The following ARSB variants were observed in gnomAD, a reference collection of about 807,000 sequenced individuals.
ARSB encodes arylsulfatase B.
ARSB carries 41 observed loss-of-function variants against 50.9 expected under a neutral mutation model. The ratio of observed to expected loss-of-function variants is 0.81; its 90% CI spans 0.63 to 1.04. ARSB has a LOEUF of 1.04. ARSB is among the 50% of genes least tolerant of loss of function. The pLI, the probability that ARSB is intolerant of heterozygous loss-of-function variation, is 0.00. For synonymous variants in ARSB, 269 were observed against 284.8 expected, an observed-to-expected ratio of 0.94 and a Z score of 0.56; for missense variants, 672 against 693.3, an observed-to-expected ratio of 0.97 and a Z score of 0.35.
chr5:78,795,230 C>G (rs1191567247), intron 6 of ARSB, among the ~76,000 whole-genome samples: 1 of 152,100 alleles, frequency 6.6e-6, no homozygotes, highest in East Asian at 1.9e-4. Flanking sequence ...ATGCAGCTGC[C>G]CAGCAGAGGT....
chr5:78,876,811 C>T (rs1041640850), intron 5 of ARSB, among the ~76,000 whole-genome samples: 1 of 152,154 alleles, frequency 6.6e-6, no homozygotes, highest in Non-Finnish European at 1.5e-5. Context: ...AGGAGGTGAG[C>T]GGTGGGCTAG....
At chr5:78,895,856 G>A (rs758891147) in intron 4 of ARSB, among the ~76,000 whole-genome samples, 20 of 152,224 alleles carry the variant, frequency 1.3e-4, no homozygotes, top group African/African-American at 3.9e-4. Context: ...CAGGGGAAGA[G>A]AGAGGACTGG....
intron 3 of ARSB, among the ~76,000 whole-genome samples, chr5:78,959,476 T>A (rs1345101441): frequency 6.6e-6 from 1 of 152,198 alleles, no homozygotes; most frequent in Non-Finnish European, 1.5e-5. Context: ...CGGACTTCCA[T>A]TCTTTGGAAT....
At chr5:78,953,185 T>C (rs571462927) in intron 4 of ARSB, among the ~76,000 whole-genome samples, 1 of 152,380 alleles carries the variant, frequency 6.6e-6, no homozygotes. Context: ...TGAACAAGGC[T>C]GCTCAGGGTA....
intron 5 of ARSB, among the ~76,000 whole-genome samples, chr5:78,865,694 G>A (rs1746684884): frequency 6.6e-6 from 1 of 152,082 alleles, no homozygotes; most frequent in Non-Finnish European, 1.5e-5. Context: ...TTATAAAACT[G>A]AATGCCTTTA....
chr5:78,955,546 C>G (rs1751686779), intron 3 of ARSB, 44 bp from the exon 4 acceptor site: 2 of 1,471,612 alleles, frequency 1.4e-6, no homozygotes, highest in Non-Finnish European at 1.9e-6. Context: ...GATATTGAAG[C>G]ATTAAATATA....
chr5:78,845,630 T>C (rs1366946119), intron 5 of ARSB, among the ~76,000 whole-genome samples: 1 of 152,174 alleles, frequency 6.6e-6, no homozygotes, highest in East Asian at 1.9e-4. Context: ...TCATGATTAG[T>C]GATGTTGAGC....
intron 6 of ARSB, among the ~76,000 whole-genome samples, chr5:78,828,278 C>T (rs1744519490): frequency 6.6e-6 from 1 of 151,368 alleles, no homozygotes; most frequent in African/African-American, 2.4e-5. Flanking sequence ...TTTCTTGCAC[C>T]ACCCCCCCAT....
intron 5 of ARSB, among the ~76,000 whole-genome samples, chr5:78,859,665 G>A (rs1746331654): frequency 6.6e-6 from 1 of 152,026 alleles, no homozygotes; most frequent in Non-Finnish European, 1.5e-5. Flanking sequence ...AGAAGAAGAT[G>A]GATTTGCTTT....
intron 6 of ARSB, among the ~76,000 whole-genome samples, chr5:78,804,403 C>T (rs1743494606): frequency 6.6e-6 from 1 of 152,054 alleles, no homozygotes; most frequent in Non-Finnish European, 1.5e-5. Context: ...ATAAGCCTCT[C>T]TTAAGGAAAA....
At chr5:78,835,880 G>A (rs544066478) in intron 6 of ARSB, among the ~76,000 whole-genome samples, 5 of 152,232 alleles carry the variant, frequency 3.3e-5, no homozygotes, top group East Asian at 3.9e-4. Flanking sequence ...TTCTTCTCCC[G>A]CAGTAAGCAC....
At chr5:78,847,005 G>A (rs1242000225) in intron 5 of ARSB, among the ~76,000 whole-genome samples, 1 of 152,072 alleles carries the variant, frequency 6.6e-6, no homozygotes, top group African/African-American at 2.4e-5. Context: ...CTATTGAGAT[G>A]GTCATGTGGT....
chr5:78,964,577 A>C lies in ARSB; in HGVS notation c.529T>G (p.Ser177Ala). The C allele has an allele frequency of 1.2e-6, 2 of 1,613,860 alleles. No individual in the cohort carries two copies. The highest frequency in any genetic ancestry group is 1.7e-6 in the Non-Finnish European group (2 of 1,179,918). ...TCAATTAATGTACAGCGTTCATGGG[A>C]ATAATAATCTTCACTACCCAGGAGA... Reference protein sequence around the residue: ...GYLLGSEDYYSHERCTLIDAL... With the variant: ...GYLLGSEDYYAHERCTLIDAL... Residue 177 changes from serine to alanine, a missense_variant, in exon 3 of 8, where the codon TCC becomes GCC. Transcript: ENST00000264914.
intron 6 of ARSB, among the ~76,000 whole-genome samples, chr5:78,826,326 T>C (rs1283533306): frequency 2.0e-5 from 3 of 152,212 alleles, no homozygotes; most frequent in Non-Finnish European, 2.9e-5. Flanking sequence ...ATTACAGGCA[T>C]GAGCCACCAT....
chr5:78,881,054 A>C (rs1014976438), intron 5 of ARSB, among the ~76,000 whole-genome samples: 4 of 152,184 alleles, frequency 2.6e-5, no homozygotes, highest in Admixed American at 2.6e-4. Flanking sequence ...CAACATGGCA[A>C]AACCCAGGCT....
intron 5 of ARSB, chr5:78,882,775 ATTTTTTTTTTT>A (rs71001134): frequency 4.0e-5 from 3 of 75,732 alleles, no homozygotes; most frequent in African/African-American, 1.6e-4. Flanking sequence ...GATTTGAGTG[ATTTTTTTTTTT>A]TTTTTTTTTT....
In ARSB at chr5:78,945,083, C is replaced by T. The variant is rs192084249; in HGVS notation, c.898+10212G>A. Among the ~76,000 whole-genome samples the T allele has an allele frequency of 1.4e-3, 211 of 152,292 alleles. 2 individuals are homozygous for T. The highest frequency in any genetic ancestry group is 4.4e-3 in the African/African-American group (181 of 41,566). ...GGCGTAGGACCCTCTGAGCCAGGCG[C>T]GGGATACAATCTCCTGGTGTGCCGT... On this transcript the variant is annotated intron_variant, in intron 4 of 7. Transcript: ENST00000264914.
intron 2 of ARSB, among the ~76,000 whole-genome samples, chr5:78,966,008 A>G (rs930050362): frequency 1.3e-5 from 2 of 152,212 alleles, no homozygotes; most frequent in Non-Finnish European, 2.9e-5. Flanking sequence ...CAGCCCTTAC[A>G]TGGGTGATTA....
chr5:78,944,886 C>T (rs6898549), intron 4 of ARSB, among the ~76,000 whole-genome samples: 49,132 of 152,096 alleles, frequency 0.32, 8,206 homozygotes, highest in Middle Eastern at 0.38. Flanking sequence ...GTGGAGTCTA[C>T]AGAGGCAGAC....
Sources: gnomAD v4.1 joint callset for allele counts (sites outside exome capture counted in the v4.1 genomes callset) on GRCh38, gnomAD v4.1.1 for gene constraint, MANE v1.5 for transcripts, NCBI Gene and HGNC (gene_info 2026-07-23, HGNC 2026-07-21) for gene names.